MLIP: variants seen among roughly 807,000 people sequenced by gnomAD.
MLIP encodes the protein muscular LMNA-interacting protein.
In MLIP, 79 loss-of-function variants were observed where a neutral mutation model predicts 84.8. The observed-to-expected ratio is 0.93, with a 90% confidence interval of 0.78 to 1.12. The LOEUF (loss-of-function observed/expected upper bound fraction) is 1.12, where lower values mean the gene tolerates loss of function less well. MLIP is among the 50% of genes most tolerant of loss of function. The pLI is 0.00. For synonymous variants in MLIP, 504 were observed against 463.0 expected (o/e 1.09, Z -1.14); for missense variants, 1,257 against 1,160.6 (o/e 1.08, Z -1.21).
chr6:54,079,794 A>T (rs1029940382), intron 1 of MLIP: 35 of 152,160 alleles, frequency 2.3e-4, no homozygotes, highest in Admixed American at 2.1e-3. Flanking sequence ...CTTGCTCCCC[A>T]TTCCTCCTTT....
chr6:54,124,240 C>T (rs519777), intron 2 of MLIP, among the ~76,000 whole-genome samples: 148,412 of 152,256 alleles, frequency 0.97, 72,446 homozygotes, highest in East Asian at 1. Flanking sequence ...TTAGGTTTGC[C>T]TGTTGATGTT....
chr6:54,167,253 A>G (rs1370214413), intron 8 of MLIP, among the ~76,000 whole-genome samples: 1 of 151,866 alleles, frequency 6.6e-6, no homozygotes, highest in African/African-American at 2.4e-5. Flanking sequence ...GAATATAAGC[A>G]AAGTCCTCAC....
chr6:54,144,630 T>C (rs1026813569), intron 4 of MLIP, among the ~76,000 whole-genome samples: 7 of 152,170 alleles, frequency 4.6e-5, no homozygotes, highest in African/African-American at 1.7e-4. Flanking sequence ...AGGCAGAGCT[T>C]AGGCAGTCAT....
chr6:54,176,415 A>T (rs926437763), intron 9 of MLIP, among the ~76,000 whole-genome samples: 2 of 151,748 alleles, frequency 1.3e-5, no homozygotes, highest in African/African-American at 4.8e-5. Flanking sequence ...TGATTTCATT[A>T]GTTGTTATTG....
intron 12 of MLIP, 33 bp from the exon 13 acceptor site, chr6:54,257,275 C>T: frequency 6.5e-7 from 1 of 1,546,092 alleles, no homozygotes; most frequent in South Asian, 1.1e-5. Flanking sequence ...CACTTCTACT[C>T]CTGATCATAT....
intron 5 of MLIP, among the ~76,000 whole-genome samples, chr6:54,158,417 G>A (rs1774270267): frequency 6.6e-6 from 1 of 152,040 alleles, no homozygotes. Flanking sequence ...ACTGTCTTGT[G>A]CCTACAATTG....
chr6:54,080,209 G>A (rs991572199), intron 1 of MLIP, among the ~76,000 whole-genome samples: 2 of 152,004 alleles, frequency 1.3e-5, no homozygotes, highest in African/African-American at 4.8e-5. Context: ...TACCTCCTCT[G>A]GACTCGAAAC....
At chr6:54,048,319 A>T (rs1191963849) in intron 1 of MLIP, among the ~76,000 whole-genome samples, 1 of 152,208 alleles carries the variant, frequency 6.6e-6, no homozygotes, top group Non-Finnish European at 1.5e-5. Flanking sequence ...AAGATGCTGA[A>T]ATCATTATGG....
intron 11 of MLIP, 69 bp downstream of exon 11, chr6:54,202,302 A>T (rs1778745823): frequency 7.9e-6 from 6 of 756,738 alleles, no homozygotes; most frequent in South Asian, 8.5e-5. Flanking sequence ...ATATATAAAT[A>T]TATAAATATA....
intron 1 of MLIP, among the ~76,000 whole-genome samples, chr6:54,036,942 G>A (rs555423262): frequency 6.6e-6 from 1 of 152,072 alleles, no homozygotes; most frequent in Admixed American, 6.6e-5. Context: ...GGGATTAGGG[G>A]AGAAACACAT....
chr6:54,208,093 A>C (rs1171749030), intron 11 of MLIP, among the ~76,000 whole-genome samples: 1 of 151,988 alleles, frequency 6.6e-6, no homozygotes, highest in African/African-American at 2.4e-5. Flanking sequence ...GTGCCACTGC[A>C]CTCCAGGCTG....
chr6:54,120,650 C>T (rs1260947079), intron 1 of MLIP, among the ~76,000 whole-genome samples: 1 of 152,240 alleles, frequency 6.6e-6, no homozygotes, highest in African/African-American at 2.4e-5. Context: ...ACACTCTCCA[C>T]TGCTGCTACT....
At chr6:54,055,602 A>C (rs1765618249) in intron 1 of MLIP, among the ~76,000 whole-genome samples, 1 of 152,188 alleles carries the variant, frequency 6.6e-6, no homozygotes, top group Non-Finnish European at 1.5e-5. Flanking sequence ...GCACTGTTTA[A>C]ACTCTGGGAA....
chr6:54,024,171 C>T (rs778185699), intron 1 of MLIP, among the ~76,000 whole-genome samples: 5 of 152,126 alleles, frequency 3.3e-5, no homozygotes, highest in Non-Finnish European at 5.9e-5. Flanking sequence ...GGCCACCATG[C>T]CCAGCTAATT....
chr6:54,174,560 T>A (rs1397515625), intron 9 of MLIP, among the ~76,000 whole-genome samples: 1 of 152,068 alleles, frequency 6.6e-6, no homozygotes, highest in African/African-American at 2.4e-5. Context: ...TTGAGAAATA[T>A]CTATTGAAAT....
At chr6:54,221,078 C>T (rs1780187026) in intron 11 of MLIP, among the ~76,000 whole-genome samples, 1 of 151,990 alleles carries the variant, frequency 6.6e-6, no homozygotes, top group African/African-American at 2.4e-5. Flanking sequence ...ATTAGAAATG[C>T]TCGTTTTTGA....
At chr6:54,031,357 A>C (rs1325833) in intron 1 of MLIP, 4 of 152,000 alleles carry the variant, frequency 2.6e-5, no homozygotes, top group Non-Finnish European at 4.4e-5. Context: ...GGAAGCCTTG[A>C]GTGCTTACAT....
In MLIP at chr6:54,145,795, A is replaced by AC. The variant is rs1206863498; in HGVS notation, c.2218-3261_2218-3260insC. On this transcript the variant is annotated intron_variant, in intron 4 of 13. Coordinates refer to ENST00000502396, the MANE Select transcript of MLIP (RefSeq NM_001281747.2). Reference sequence around the variant, plus strand: ...TGTCCCCCACCACCCCCTCCCCCACAAAAAAAAAAAGAAAAAGAAAGAGAA... The same window carrying AC: ...TGTCCCCCACCACCCCCTCCCCCACACAAAAAAAAAAGAAAAAGAAAGAGAA... 1.8e-3 allele frequency among the ~76,000 whole-genome samples: 177 copies of AC among 98,862 alleles called. 1 individual carries two copies. Among genetic ancestry groups the AC allele is most frequent in the African/African-American group, 9.6e-3 (169 of 17,524 alleles). 64.9% of individuals were successfully genotyped at this position (98,862 alleles called of 152,430 possible).
intron 4 of MLIP, among the ~76,000 whole-genome samples, chr6:54,140,850 G>A (rs1582254012): frequency 2.0e-5 from 3 of 152,132 alleles, no homozygotes; most frequent in African/African-American, 7.2e-5. Flanking sequence ...ATAGACAAAT[G>A]CTGTGTGATA....
Sources: allele counts gnomAD v4.1 joint callset (sites outside exome capture counted in the v4.1 genomes callset), GRCh38; gene constraint gnomAD v4.1.1; transcripts MANE v1.5; gene names NCBI Gene and HGNC (gene_info 2026-07-23, HGNC 2026-07-21).